RPS6KA2: variants seen among roughly 807,000 people sequenced by gnomAD.
RPS6KA2 encodes the protein ribosomal protein S6 kinase A2.
RPS6KA2 carries 42 observed loss-of-function variants against 91.8 expected under a neutral mutation model. The observed-to-expected ratio is 0.46, with a 90% CI of 0.36 to 0.59. The LOEUF is 0.59. Among genes scored for constraint, RPS6KA2 ranks in the 20% least tolerant of loss-of-function variants. RPS6KA2 has a pLI of 0.00. For synonymous variants in RPS6KA2, 414 were observed against 393.6 expected (o/e 1.05, Z -0.61); for missense variants, 798 against 978.5 (o/e 0.82, Z 2.46).
chr6:166,549,173 C>G (rs1783919189), intron 1 of RPS6KA2, among the ~76,000 whole-genome samples: 2 of 152,192 alleles, frequency 1.3e-5, no homozygotes, highest in African/African-American at 4.8e-5. Flanking sequence ...TGATAAACAT[C>G]AAACATCGGT....
At chr6:166,696,284 C>T (rs986089486) in intron 2 of RPS6KA2, among the ~76,000 whole-genome samples, 6 of 152,018 alleles carry the variant, frequency 3.9e-5, no homozygotes, top group East Asian at 1.9e-4. Context: ...TGAATCAATA[C>T]GGGGGTGATC....
rs1778803126 is a variant in RPS6KA2, at chr6:166,423,479, AGGTGCATTTGGAGGGGAG to A, written c.1582-80_1582-63del. ...GAGGACTGAGCAGGAGAGGGAGGGC[AGGTGCATTTGGAGGGGAG>A]GGTGCATTTGGGAACTGTCTTCCTA... On this transcript the variant is annotated intron_variant, in intron 16 of 20. Coordinates refer to ENST00000265678, the MANE Select transcript of RPS6KA2 (RefSeq NM_021135.6). This position sits in a 1 kb window ranked among gnomAD's most constrained non-coding sequence, Gnocchi z 4.8. The A allele has an allele frequency of 1.7e-5, 26 of 1,516,198 alleles. No individual in the cohort carries two copies. In the South Asian group the frequency reaches 3.0e-4, roughly 18 times the overall value. 93.9% of individuals were successfully genotyped at this position (1,516,198 alleles called of 1,614,324 possible).
At chr6:166,712,746 T>C (rs1789900101) in intron 2 of RPS6KA2, among the ~76,000 whole-genome samples, 1 of 152,158 alleles carries the variant, frequency 6.6e-6, no homozygotes, top group African/African-American at 2.4e-5. Context: ...GGAACATACA[T>C]TGAGGTCACA....
intron 2 of RPS6KA2, among the ~76,000 whole-genome samples, chr6:166,697,411 G>A (rs1417073701): frequency 2.6e-5 from 4 of 152,242 alleles, no homozygotes; most frequent in African/African-American, 2.4e-5. Flanking sequence ...TCTGTCAAGT[G>A]TAGCCATGGG....
At chr6:166,861,731 A>G (rs1379363397) in intron 1 of RPS6KA2, among the ~76,000 whole-genome samples, 1 of 152,242 alleles carries the variant, frequency 6.6e-6, no homozygotes, top group East Asian at 1.9e-4. Context: ...AGCAAATGGA[A>G]GGCTTCTAAT....
intron 11 of RPS6KA2, among the ~76,000 whole-genome samples, chr6:166,461,783 C>T (rs1463683371): frequency 1.3e-5 from 2 of 152,240 alleles, no homozygotes; most frequent in Non-Finnish European, 2.9e-5. Flanking sequence ...AGCAGGGGCC[C>T]ACATGGCCCC....
At chr6:166,779,250 C>G (rs1778705482) in intron 2 of RPS6KA2, among the ~76,000 whole-genome samples, 1 of 152,126 alleles carries the variant, frequency 6.6e-6, no homozygotes, top group South Asian at 2.1e-4. Context: ...GGGGTCAATC[C>G]CAAAATATCC....
At chr6:166,837,134 G>A (rs558219979) in intron 2 of RPS6KA2, among the ~76,000 whole-genome samples, 86 of 152,316 alleles carry the variant, frequency 5.6e-4, no homozygotes, top group Admixed American at 5.5e-3. Context: ...TGGGAGGTGC[G>A]TGGTGAGGCC....
At chr6:166,772,231 G>C (rs1053052738) in intron 2 of RPS6KA2, among the ~76,000 whole-genome samples, 2 of 152,096 alleles carry the variant, frequency 1.3e-5, no homozygotes, top group Admixed American at 6.5e-5. Flanking sequence ...ATGGAGTCCA[G>C]GTGGGAATGA....
At position 166,533,884 on chromosome 6, in the gene RPS6KA2, C is replaced by A. The variant is rs1484170974; in HGVS notation, c.217-2571G>T. On this transcript the variant is annotated intron_variant, in intron 2 of 20. Coordinates refer to ENST00000265678, the MANE Select transcript of RPS6KA2 (RefSeq NM_021135.6). This position sits in a 1 kb window ranked among gnomAD's most constrained non-coding sequence, Gnocchi z 4.0. ...ATCTCTTGAGGCCAAGAATTTGCAA[C>A]CAGCCTGGGCAGCATAGCAAAACCC... Among the ~76,000 whole-genome samples the A allele has an allele frequency of 6.6e-6, 1 of 152,086 alleles. No individual in the cohort carries two copies. The highest frequency in any genetic ancestry group is 1.5e-5 in the Non-Finnish European group (1 of 68,004).
At chr6:166,421,063 C>G (rs193245304) in intron 17 of RPS6KA2, among the ~76,000 whole-genome samples, 1 of 152,142 alleles carries the variant, frequency 6.6e-6, no homozygotes, top group Non-Finnish European at 1.5e-5. Context: ...GACCAGCCAG[C>G]GCATGCTGAA....
intron 2 of RPS6KA2, among the ~76,000 whole-genome samples, chr6:166,761,285 T>A (rs1025570522): frequency 6.6e-6 from 1 of 152,234 alleles, no homozygotes; most frequent in Admixed American, 6.5e-5. Context: ...CCTCAAGTGA[T>A]CTGCCCGCCT....
chr6:166,734,297 T>C (rs1441250960), intron 2 of RPS6KA2, among the ~76,000 whole-genome samples: 1 of 152,168 alleles, frequency 6.6e-6, no homozygotes, highest in Non-Finnish European at 1.5e-5. Flanking sequence ...TTAGCAGGGG[T>C]CTAAGATGTT....
upstream of RPS6KA2, among the ~76,000 whole-genome samples, chr6:166,628,272 C>G (rs1178237507): frequency 2.6e-5 from 4 of 152,176 alleles, no homozygotes; most frequent in African/African-American, 9.7e-5. Context: ...TGCGGGCTCA[C>G]GACCCCGTGC....
chr6:166,789,083 AG>A (rs1779007902), intron 2 of RPS6KA2, among the ~76,000 whole-genome samples: 1 of 152,196 alleles, frequency 6.6e-6, no homozygotes, highest in Admixed American at 6.5e-5. Context: ...GGGAAGTGCA[AG>A]GGGTCAGGGA....
At chr6:166,489,346 C>T (rs1039084701) in intron 9 of RPS6KA2, among the ~76,000 whole-genome samples, 2 of 152,254 alleles carry the variant, frequency 1.3e-5, no homozygotes, top group African/African-American at 2.4e-5. Flanking sequence ...TTGGGTGCGT[C>T]TCTTCCTGGC....
chr6:166,626,812 G>A lies in RPS6KA2; in HGVS notation c.99+109C>T. 3.4e-6 allele frequency: 3 copies of A among 889,480 alleles called. No individual in the cohort carries two copies. Among genetic ancestry groups the A allele is most frequent in the South Asian group, 3.9e-5 (1 of 25,838 alleles). 55.1% of individuals were successfully genotyped at this position (889,480 alleles called of 1,614,324 possible). ...AACCGGACCAGCTTTCCAGTAACTT[G>A]AACTCCCTGACGGGTCTCGGGGTCC... is the stretch of plus-strand genomic sequence containing the variant. On this transcript the variant is annotated intron_variant, in intron 1 of 20. Coordinates refer to ENST00000265678, the MANE Select transcript of RPS6KA2 (RefSeq NM_021135.6). This position sits in a 1 kb window ranked among gnomAD's most constrained non-coding sequence, Gnocchi z 4.1.
At position 166,500,920 on chromosome 6, in the gene RPS6KA2, G is replaced by A. The variant is rs768362969; in HGVS notation, c.571C>T (p.Leu191Phe). Residue 191 changes from leucine (L) to phenylalanine (F), a missense_variant, in exon 7 of 21, where the codon CTC becomes TTC. By Grantham distance (22) the Leu-to-Phe change is conservative. Transcript: ENST00000265678. This position sits in a 1 kb window ranked among gnomAD's most constrained non-coding sequence, Gnocchi z 4.3. ...IYRDLKPENI[L>F]LDEEGHIKIT... is the part of the protein sequence containing the mutation. ...TTAATGTGCCCCTCTTCATCCAGGAGGATGCTAAAAGAAAGGGAGAGAAAA... is the reference window on the plus strand; with the variant it reads ...TTAATGTGCCCCTCTTCATCCAGGAAGATGCTAAAAGAAAGGGAGAGAAAA... The A allele has an allele frequency of 3.7e-6, 6 of 1,613,820 alleles. No homozygotes were observed.
intron 2 of RPS6KA2, among the ~76,000 whole-genome samples, chr6:166,742,629 C>T (rs1790848800): frequency 6.6e-6 from 1 of 152,184 alleles, no homozygotes; most frequent in Non-Finnish European, 1.5e-5. Flanking sequence ...ATCCGCCTCT[C>T]ATTCCTGCAG....
Sources: allele counts gnomAD v4.1 joint callset (sites outside exome capture counted in the v4.1 genomes callset), GRCh38; gene constraint gnomAD v4.1.1; non-coding constraint Gnocchi (gnomAD v3.1); transcripts MANE v1.5; gene names NCBI Gene and HGNC (gene_info 2026-07-23, HGNC 2026-07-21).